IL1RAPL1: variants seen among roughly 807,000 people sequenced by gnomAD.
IL1RAPL1 encodes interleukin 1 receptor accessory protein like 1.
Under a neutral mutation model 48.4 loss-of-function variants are expected in IL1RAPL1, and 3 were observed. The observed-to-expected ratio is 0.06, with a 90% CI of 0.03 to 0.16. The LOEUF (loss-of-function observed/expected upper bound fraction) is 0.16, where lower values mean the gene tolerates loss of function less well. IL1RAPL1 is among the 10% of genes least tolerant of loss of function. The probability of loss-of-function intolerance (pLI) is 1.00; values close to 1 mark genes in which losing one functional copy is unlikely to be tolerated. For missense variants in IL1RAPL1, 349 were observed against 530.6 expected (o/e 0.66, Z 3.36); for synonymous variants, 185 against 187.7 (o/e 0.99, Z 0.12).
At chrX:29,719,743 C>CAAAA (rs372308075) in intron 6 of IL1RAPL1, among the ~76,000 whole-genome samples, 1 of 21,866 alleles carries the variant, frequency 4.6e-5, no homozygotes, top group Non-Finnish European at 1.1e-4. Flanking sequence ...GAAAGATGAG[C>CAAAA]AAAAAAAAAA....
intron 2 of IL1RAPL1, among the ~76,000 whole-genome samples, chrX:28,932,912 G>C (rs974189319): frequency 3.6e-5 from 4 of 110,828 alleles, no homozygotes; most frequent in African/African-American, 1.3e-4. Flanking sequence ...TAATTTTAAA[G>C]CTAATACTGC....
chrX:29,831,925 G>GTAGT (rs1438992886), intron 6 of IL1RAPL1, among the ~76,000 whole-genome samples: 2 of 111,601 alleles, frequency 1.8e-5, no homozygotes, highest in East Asian at 5.6e-4. Context: ...ATTTATGATT[G>GTAGT]TAGTTAATAT....
At chrX:28,616,724 G>A (rs750091621) in intron 1 of IL1RAPL1, among the ~76,000 whole-genome samples, 3 of 111,887 alleles carry the variant, frequency 2.7e-5, no homozygotes, top group East Asian at 2.8e-4. Flanking sequence ...GAGCCACCGC[G>A]CCCGGCCAGA....
intron 5 of IL1RAPL1, among the ~76,000 whole-genome samples, chrX:29,657,853 C>G (rs1470970543): frequency 9.9e-6 from 1 of 101,268 alleles, no homozygotes; most frequent in Admixed American, 1.1e-4. Context: ...GGTTTTTTGC[C>G]TGTCAATAGA....
chrX:29,049,295 C>A (rs1199401800), intron 2 of IL1RAPL1, among the ~76,000 whole-genome samples: 1 of 112,609 alleles, frequency 8.9e-6, no homozygotes, highest in Non-Finnish European at 1.9e-5. Context: ...TTCTTTCTAA[C>A]AAGTCACATT....
chrX:29,614,583 A>T (rs1924221433), intron 5 of IL1RAPL1, among the ~76,000 whole-genome samples: 2 of 111,735 alleles, frequency 1.8e-5, no homozygotes, highest in Non-Finnish European at 3.8e-5. Flanking sequence ...AAAGTCCAAC[A>T]CCAGCAAGAC....
intron 6 of IL1RAPL1, among the ~76,000 whole-genome samples, chrX:29,674,950 T>A (rs1334715355): frequency 8.9e-6 from 1 of 112,510 alleles, no homozygotes; most frequent in African/African-American, 3.2e-5. Context: ...TACCACTTTT[T>A]AAAAAAATCG....
At chrX:29,682,180 T>C (rs1310883717) in intron 6 of IL1RAPL1, among the ~76,000 whole-genome samples, 3 of 111,940 alleles carry the variant, frequency 2.7e-5, no homozygotes, top group Non-Finnish European at 5.6e-5. Flanking sequence ...GATATTTATA[T>C]TGAGTAAACT....
At chrX:29,254,220 A>G (rs1411980295) in intron 2 of IL1RAPL1, among the ~76,000 whole-genome samples, 1 of 111,503 alleles carries the variant, frequency 9.0e-6, no homozygotes, top group Non-Finnish European at 1.9e-5. Context: ...TATTAGATAT[A>G]TTTTCTGGAA....
chrX:28,971,876 T>TTGTGTGTGTG (rs3066657), intron 2 of IL1RAPL1, among the ~76,000 whole-genome samples: 1,394 of 84,444 alleles, frequency 0.017, 21 homozygotes, highest in East Asian at 0.032. Context: ...ACTCTGAAAA[T>TTGTGTGTGTG]TGTGTGTGTG....
intron 2 of IL1RAPL1, among the ~76,000 whole-genome samples, chrX:28,792,581 A>T (rs1936551244): frequency 9.5e-6 from 1 of 104,846 alleles, no homozygotes; most frequent in African/African-American, 3.5e-5. Flanking sequence ...AGGTCAGGAG[A>T]TCGAGACCAT....
intron 3 of IL1RAPL1, among the ~76,000 whole-genome samples, chrX:29,342,534 A>G (rs1277300761): frequency 2.7e-5 from 3 of 111,998 alleles, no homozygotes; most frequent in Non-Finnish European, 5.6e-5. Flanking sequence ...TTTCTTGAAG[A>G]TGAATCATTC....
intron 6 of IL1RAPL1, among the ~76,000 whole-genome samples, chrX:29,906,627 TCTCTTTC>T (rs1291595525): frequency 4.8e-5 from 5 of 103,260 alleles, no homozygotes; most frequent in Admixed American, 2.2e-4. Flanking sequence ...GAACCCTCTT[TCTCTTTC>T]CTCTTCTCCA....
chrX:29,587,226 A>G (rs1029471916), intron 5 of IL1RAPL1, among the ~76,000 whole-genome samples: 28 of 111,127 alleles, frequency 2.5e-4, no homozygotes, highest in African/African-American at 8.8e-4. Context: ...CTAACAGAAT[A>G]AAAAGAATGT....
intron 5 of IL1RAPL1, among the ~76,000 whole-genome samples, chrX:29,569,598 T>A (rs1922525487): frequency 9.1e-6 from 1 of 109,759 alleles, no homozygotes; most frequent in Non-Finnish European, 1.9e-5. Context: ...ATGATTAATT[T>A]TCTTGTAATC....
At chrX:29,332,538 A>G (rs776757221) in intron 3 of IL1RAPL1, among the ~76,000 whole-genome samples, 1 of 104,233 alleles carries the variant, frequency 9.6e-6, no homozygotes, top group Admixed American at 1.1e-4. Context: ...AATATTTGGA[A>G]TCAGAAGATG....
At chrX:28,875,696 A>G (rs749330153) in intron 2 of IL1RAPL1, among the ~76,000 whole-genome samples, 2 of 111,132 alleles carry the variant, frequency 1.8e-5, no homozygotes, top group East Asian at 2.8e-4. Flanking sequence ...TTCTCATTCT[A>G]TTATTTTCTT....
At chrX:29,301,691 T>C (rs748738826) in intron 3 of IL1RAPL1, among the ~76,000 whole-genome samples, 1 of 111,514 alleles carries the variant, frequency 9.0e-6, no homozygotes, top group African/African-American at 3.3e-5. Flanking sequence ...GGAATAAAAA[T>C]AGACAAGACA....
At chrX:29,573,942 G>C (rs1282518774) in intron 5 of IL1RAPL1, among the ~76,000 whole-genome samples, 3 of 111,461 alleles carry the variant, frequency 2.7e-5, no homozygotes, top group African/African-American at 9.8e-5. Flanking sequence ...GTGTTCCTAG[G>C]TGCAGGGACT....
Sources: gnomAD v4.1 joint callset for allele counts (sites outside exome capture counted in the v4.1 genomes callset) on GRCh38, gnomAD v4.1.1 for gene constraint, MANE v1.5 for transcripts, NCBI Gene and HGNC (gene_info 2026-07-23, HGNC 2026-07-21) for gene names.